GABRA2: variants seen among roughly 807,000 people sequenced by gnomAD.
GABRA2 encodes gamma-aminobutyric acid receptor subunit alpha-2.
A neutral mutation model predicts 48.7 loss-of-function variants in GABRA2; 16 were observed. The ratio of observed to expected loss-of-function variants is 0.33; its 90% CI spans 0.22 to 0.50. The LOEUF (loss-of-function observed/expected upper bound fraction) is 0.50. Ranked by LOEUF, GABRA2 falls within the 20% of genes least tolerant of loss-of-function variation. GABRA2 has a pLI of 0.98. For synonymous variants in GABRA2, 185 were observed against 184.5 expected (o/e 1.00, Z -0.02); for missense variants, 275 against 535.6 (o/e 0.51, Z 4.80).
chr4:46,255,143 AG>A (rs1392278461), intron 9 of GABRA2, among the ~76,000 whole-genome samples: 2 of 151,608 alleles, frequency 1.3e-5, no homozygotes, highest in Non-Finnish European at 3.0e-5. Flanking sequence ...AGCTCTTTGA[AG>A]GCACAGACTG....
intron 3 of GABRA2, chr4:46,367,079 T>C (rs567210194): frequency 4.0e-4 from 61 of 152,190 alleles, no homozygotes; most frequent in African/African-American, 1.5e-3. Context: ...CTATATTAAA[T>C]CCAGGTTCAA....
At chr4:46,301,962 A>G (rs1042395092) in intron 8 of GABRA2, among the ~76,000 whole-genome samples, 1 of 152,180 alleles carries the variant, frequency 6.6e-6, no homozygotes, top group African/African-American at 2.4e-5. Flanking sequence ...ATATATCTAT[A>G]TATCCAAAAA....
chr4:46,338,131 G>A (rs1732578099), intron 3 of GABRA2, among the ~76,000 whole-genome samples: 1 of 151,808 alleles, frequency 6.6e-6, no homozygotes, highest in East Asian at 1.9e-4. Flanking sequence ...TCTCAAGAGA[G>A]TGGTAATAGT....
chr4:46,250,018 C>A lies in GABRA2; in HGVS notation c.*290G>T, dbSNP rs537957176. ...TTGTACAGGATCCCCATTTTCATCT[C>A]ATTTGGAAGAATAGGAAATTAATCA... On this transcript the variant is annotated 3_prime_UTR_variant, in exon 10 of 10. Coordinates refer to ENST00000381620, the MANE Select transcript of GABRA2 (RefSeq NM_000807.4). 8.8e-5 allele frequency: 25 copies of A among 284,760 alleles called. No homozygotes were observed. Among genetic ancestry groups the A allele is most frequent in the African/African-American group, 5.0e-4 (23 of 45,782 alleles). The allele number at this position is 284,760 out of a possible 1,614,324, so 17.6% of individuals were successfully genotyped here.
chr4:46,339,980 T>C (rs1250068810), intron 3 of GABRA2, among the ~76,000 whole-genome samples: 1 of 151,834 alleles, frequency 6.6e-6, no homozygotes, highest in Non-Finnish European at 1.5e-5. Context: ...TCCAAAATCA[T>C]GGCATTTACA....
chr4:46,280,053 T>A (rs2350768), intron 8 of GABRA2, among the ~76,000 whole-genome samples: 92,279 of 150,844 alleles, frequency 0.61, 28,661 homozygotes, highest in South Asian at 0.76. Flanking sequence ...AGTTTTTTTT[T>A]AAAAAATGAG....
chr4:46,380,073 A>T lies in GABRA2; in HGVS notation c.187+6001T>A, dbSNP rs1432973535. On this transcript the variant is annotated intron_variant, in intron 3 of 9. Coordinates refer to ENST00000381620, the MANE Select transcript of GABRA2 (RefSeq NM_000807.4). ...AGGTTTTGCTGTTGAGGTGTCTGGT[A>T]CATCCCAGCTTAGGGTGGTGACTAT... Among the ~76,000 whole-genome samples, 3 of 152,188 alleles carry T rather than the reference A, an allele frequency of 2.0e-5. No individual in the cohort carries two copies. The East Asian group carries it at 5.8e-4, about 29-fold the overall frequency.
chr4:46,382,865 A>T (rs935805858), intron 3 of GABRA2, among the ~76,000 whole-genome samples: 2 of 152,182 alleles, frequency 1.3e-5, no homozygotes, highest in African/African-American at 4.8e-5. Flanking sequence ...TTTATATCAT[A>T]GTTATAAAGG....
chr4:46,267,139 T>A (rs921667614), intron 8 of GABRA2, among the ~76,000 whole-genome samples: 1 of 152,142 alleles, frequency 6.6e-6, no homozygotes, highest in Non-Finnish European at 1.5e-5. Flanking sequence ...TTAATTTTCC[T>A]CATTGTTTTT....
intron 8 of GABRA2, among the ~76,000 whole-genome samples, chr4:46,295,602 T>C (rs1381525003): frequency 6.6e-6 from 1 of 152,176 alleles, no homozygotes; most frequent in Non-Finnish European, 1.5e-5. Flanking sequence ...ATGGAGCTTA[T>C]GCATGGGCTC....
intron 4 of GABRA2, 149 bp from the exon 5 acceptor site, chr4:46,312,865 C>T: frequency 1.8e-6 from 1 of 558,504 alleles, no homozygotes. Context: ...ACTCCTTTGG[C>T]TTATCAATAC....
intron 9 of GABRA2, among the ~76,000 whole-genome samples, chr4:46,251,061 T>C (rs1168300789): frequency 6.6e-6 from 1 of 151,536 alleles, no homozygotes; most frequent in African/African-American, 2.4e-5. Context: ...CATATAGCAA[T>C]GCTTTACTCA....
intron 8 of GABRA2, among the ~76,000 whole-genome samples, chr4:46,268,007 T>C (rs1296615793): frequency 6.6e-6 from 1 of 151,998 alleles, no homozygotes; most frequent in African/African-American, 2.4e-5. Flanking sequence ...CCAAGCATTT[T>C]GGATAAGGGA....
intron 9 of GABRA2, among the ~76,000 whole-genome samples, chr4:46,257,212 G>T (rs1716010897): frequency 6.6e-6 from 1 of 151,614 alleles, no homozygotes; most frequent in African/African-American, 2.4e-5. Context: ...AACACAATTT[G>T]GGGAATGAGA....
chr4:46,378,189 T>A (rs1198594648), intron 3 of GABRA2, among the ~76,000 whole-genome samples: 1 of 151,930 alleles, frequency 6.6e-6, no homozygotes, highest in East Asian at 1.9e-4. Context: ...CGGGCCATGA[T>A]GACAATGGCG....
chr4:46,277,251 T>C (rs775624741), intron 8 of GABRA2, among the ~76,000 whole-genome samples: 6 of 152,120 alleles, frequency 3.9e-5, no homozygotes, highest in Non-Finnish European at 7.4e-5. Flanking sequence ...GACACTTTCC[T>C]AATTGGCAGT....
intron 3 of GABRA2, among the ~76,000 whole-genome samples, chr4:46,344,063 T>A (rs1362131338): frequency 6.6e-6 from 1 of 151,948 alleles, no homozygotes; most frequent in South Asian, 2.1e-4. Context: ...GTTACTATTA[T>A]AATTGGAGTC....
intron 3 of GABRA2, among the ~76,000 whole-genome samples, chr4:46,361,992 G>A (rs1713275840): frequency 6.6e-6 from 1 of 152,188 alleles, no homozygotes; most frequent in Admixed American, 6.5e-5. Flanking sequence ...TAACTAACTT[G>A]CTTTTGATTT....
chr4:46,352,534 A>T (rs1735298645), intron 3 of GABRA2, among the ~76,000 whole-genome samples: 1 of 152,042 alleles, frequency 6.6e-6, no homozygotes, highest in Admixed American at 6.6e-5. Context: ...ACAAAAACGA[A>T]ATGCATCATT....
Sources: gnomAD v4.1 joint callset for allele counts (sites outside exome capture counted in the v4.1 genomes callset) on GRCh38, gnomAD v4.1.1 for gene constraint, MANE v1.5 for transcripts, NCBI Gene and HGNC (gene_info 2026-07-23, HGNC 2026-07-21) for gene names.